ARHGAP42: variants seen among roughly 807,000 people sequenced by gnomAD.
ARHGAP42 encodes Rho GTPase activating protein 42.
A neutral mutation model predicts 125.0 loss-of-function variants in ARHGAP42; 63 were observed. The observed-to-expected ratio is 0.50, with a 90% confidence interval of 0.41 to 0.62. The LOEUF (loss-of-function observed/expected upper bound fraction) is 0.62, where lower values mean the gene tolerates loss of function less well. ARHGAP42 is among the 20% of genes least tolerant of loss of function. ARHGAP42 has a pLI of 0.00. For missense variants in ARHGAP42, 766 were observed against 1,024.2 expected, an observed-to-expected ratio of 0.75 and a Z score of 3.44; for synonymous variants, 339 against 351.0, an observed-to-expected ratio of 0.97 and a Z score of 0.38.
intron 3 of ARHGAP42, among the ~76,000 whole-genome samples, chr11:100,805,186 A>G (rs976337979): frequency 2.0e-5 from 3 of 152,228 alleles, no homozygotes; most frequent in Non-Finnish European, 4.4e-5. Context: ...ACTCAAAGGC[A>G]CATAACTAAT....
intron 4 of ARHGAP42, among the ~76,000 whole-genome samples, chr11:100,898,052 G>C (rs940517034): frequency 2.0e-5 from 3 of 152,080 alleles, no homozygotes; most frequent in African/African-American, 7.2e-5. Flanking sequence ...CAGTATGAAG[G>C]GCTGCTGAAT....
chr11:100,889,457 A>G (rs1236885207), intron 4 of ARHGAP42, among the ~76,000 whole-genome samples: 5 of 152,222 alleles, frequency 3.3e-5, no homozygotes, highest in African/African-American at 7.2e-5. Context: ...CAGTCCTCCC[A>G]GGATACCAAA....
chr11:100,861,592 A>G (rs1865446300), intron 4 of ARHGAP42, among the ~76,000 whole-genome samples: 2 of 152,202 alleles, frequency 1.3e-5, no homozygotes, highest in South Asian at 4.1e-4. Flanking sequence ...AGGTGAAATG[A>G]CAACAGTAAG....
intron 22 of ARHGAP42, among the ~76,000 whole-genome samples, chr11:100,984,392 A>G (rs1858622324): frequency 7.7e-6 from 1 of 130,340 alleles, no homozygotes; most frequent in Non-Finnish European, 1.8e-5. Flanking sequence ...ATTTTTAAAA[A>G]TTTCCACTTT....
At chr11:100,870,630 C>G (rs1865673372) in intron 4 of ARHGAP42, among the ~76,000 whole-genome samples, 1 of 152,136 alleles carries the variant, frequency 6.6e-6, no homozygotes, top group African/African-American at 2.4e-5. Context: ...GAGAAATATT[C>G]TAAAGTACTT....
intron 5 of ARHGAP42, among the ~76,000 whole-genome samples, chr11:100,919,361 C>G (rs1867171304): frequency 6.6e-6 from 1 of 151,952 alleles, no homozygotes; most frequent in Non-Finnish European, 1.5e-5. Context: ...TGATGTGAAC[C>G]CTCCCTAAAC....
chr11:100,889,935 C>T (rs1866180099), intron 4 of ARHGAP42, among the ~76,000 whole-genome samples: 4 of 152,160 alleles, frequency 2.6e-5, no homozygotes. Context: ...GTCATGTTAT[C>T]AGGTAACCAA....
chr11:100,910,013 G>C (rs1866865707), intron 4 of ARHGAP42, among the ~76,000 whole-genome samples: 1 of 152,112 alleles, frequency 6.6e-6, no homozygotes, highest in South Asian at 2.1e-4. Context: ...TGGACATGTG[G>C]CATGACCATG....
chr11:100,744,544 G>GTT (rs1862255877), intron 1 of ARHGAP42, among the ~76,000 whole-genome samples: 1 of 115,434 alleles, frequency 8.7e-6, no homozygotes, highest in African/African-American at 3.6e-5. Flanking sequence ...TACTCTGTGT[G>GTT]TGTGTGTGTG....
chr11:100,936,203 A>G lies in ARHGAP42; in HGVS notation c.703A>G (p.Thr235Ala). The change falls in exon 8 of 24, where the codon ACA (threonine) becomes GCA (alanine). Residue 235 changes from threonine (T) to alanine (A), a missense_variant and splice_region_variant. By Grantham distance (58) the Thr-to-Ala change is moderately conservative. This residue lies in a region of ARHGAP42 where 455 missense variants were observed against 636.5 expected (regional missense o/e 0.71). Transcript: ENST00000298815. The part of the protein sequence containing the change: ...KQQLQFNLQN[T>A]RNNFESTRQE... Reference sequence around the variant, plus strand: ...AAATTATTGTTTCTGTTTACTTAAGACAAGGAATAATTTTGAAAGTACTCG... The same window carrying G: ...AAATTATTGTTTCTGTTTACTTAAGGCAAGGAATAATTTTGAAAGTACTCG... 1 of 1,551,508 alleles carries G rather than the reference A, an allele frequency of 6.4e-7. No individual in the cohort carries two copies.
At chr11:100,925,424 TG>T (rs1867391899) in intron 6 of ARHGAP42, among the ~76,000 whole-genome samples, 2 of 152,122 alleles carry the variant, frequency 1.3e-5, no homozygotes, top group African/African-American at 4.8e-5. Context: ...TTTATTTCAC[TG>T]TTTTTTTAAA....
chr11:100,752,978 T>C (rs1778669783), intron 1 of ARHGAP42, among the ~76,000 whole-genome samples: 2 of 152,216 alleles, frequency 1.3e-5, no homozygotes, highest in Admixed American at 6.5e-5. Context: ...TTGTGCTTGC[T>C]TTATGTTACC....
At chr11:100,762,079 C>A (rs1180101053) in intron 1 of ARHGAP42, among the ~76,000 whole-genome samples, 1 of 152,166 alleles carries the variant, frequency 6.6e-6, no homozygotes, top group East Asian at 1.9e-4. Context: ...GGACTTCTTT[C>A]CGGATCTGAG....
At chr11:100,980,715 T>C (rs141751089) in intron 22 of ARHGAP42, among the ~76,000 whole-genome samples, 9 of 151,194 alleles carry the variant, frequency 6.0e-5, no homozygotes, top group Admixed American at 2.0e-4. Context: ...GGATTACAGG[T>C]GTGTGCCACC....
At chr11:100,728,767 T>A (rs1861906917) in intron 1 of ARHGAP42, among the ~76,000 whole-genome samples, 1 of 145,130 alleles carries the variant, frequency 6.9e-6, no homozygotes, top group Non-Finnish European at 1.5e-5. Context: ...TGCACACTTT[T>A]CTTTTTTAAT....
intron 20 of ARHGAP42, 65 bp from the exon 21 acceptor site, chr11:100,976,750 G>A (rs994338197): frequency 5.2e-6 from 8 of 1,524,502 alleles, no homozygotes; most frequent in South Asian, 1.2e-5. Context: ...TTATGCACAT[G>A]TACGTGTTAT....
Position 100,746,282 on chromosome 11 carries a change from A to G in ARHGAP42, c.155-24061A>G, listed in dbSNP as rs186654725. Among the ~76,000 whole-genome samples the G allele has an allele frequency of 5.3e-5, 8 of 152,328 alleles. No individual in the cohort carries two copies. The East Asian group carries it at 1.3e-3, about 26-fold the overall frequency. ...CATGAAGTGAGCTTAGTGTTGGGAAATGGAAGCTGGATGGCCCTCGGGGTC... is the reference window on the plus strand; with the variant it reads ...CATGAAGTGAGCTTAGTGTTGGGAAGTGGAAGCTGGATGGCCCTCGGGGTC... On this transcript the variant is annotated intron_variant, in intron 1 of 23. Coordinates refer to ENST00000298815, the MANE Select transcript of ARHGAP42 (RefSeq NM_152432.4).
At position 100,993,507 on chromosome 11, in the gene ARHGAP42, A is replaced by G. The variant is rs990551904; in HGVS notation, c.*4706A>G. 1.8e-5 allele frequency: 3 copies of G among 166,946 alleles called. No homozygotes were observed. Among genetic ancestry groups the G allele is most frequent in the African/African-American group, 7.2e-5 (3 of 41,394 alleles). 10.3% of individuals were successfully genotyped at this position (166,946 alleles called of 1,614,324 possible). ...AAATCCAATATACCACCACATATCA[A>G]AGGTTGGGATTTTCAGAGTCCTTCT... On this transcript the variant is annotated 3_prime_UTR_variant, in exon 24 of 24. Coordinates refer to ENST00000298815, the MANE Select transcript of ARHGAP42 (RefSeq NM_152432.4).
At position 100,687,440 on chromosome 11, in the gene ARHGAP42, G is replaced by T. The variant is rs929920170; in HGVS notation, c.-239G>T. 6.6e-6 allele frequency among the ~76,000 whole-genome samples: 1 copy of T among 151,958 alleles called. No individual in the cohort carries two copies. Among genetic ancestry groups the T allele is most frequent in the Non-Finnish European group, 1.5e-5 (1 of 67,938 alleles). ...GCGTCCAGATGACAACAACCTGAGGGGACTCGCGCCTCGGCCCGCCGCCCG... is the reference window on the plus strand; with the variant it reads ...GCGTCCAGATGACAACAACCTGAGGTGACTCGCGCCTCGGCCCGCCGCCCG... On this transcript the variant is annotated 5_prime_UTR_variant, in exon 1 of 24. It introduces an in-frame stop codon into an upstream open reading frame of the 5' UTR. Transcript: ENST00000298815.
Sources: allele counts gnomAD v4.1 joint callset (sites outside exome capture counted in the v4.1 genomes callset), GRCh38; gene constraint gnomAD v4.1.1; regional missense constraint gnomAD v4.1.1; transcripts MANE v1.5; gene names NCBI Gene and HGNC (gene_info 2026-07-23, HGNC 2026-07-21).